PRPSAP2: variants seen among roughly 807,000 people sequenced by gnomAD.
PRPSAP2 encodes the protein phosphoribosyl pyrophosphate synthetase associated protein 2, also known as phosphoribosyl pyrophosphate synthase-associated protein 2.
A neutral mutation model predicts 40.6 loss-of-function variants in PRPSAP2; 24 were observed. The observed-to-expected ratio is 0.59, with a 90% confidence interval of 0.43 to 0.83. The LOEUF is 0.83. Ranked by LOEUF, PRPSAP2 falls within the 40% of genes least tolerant of loss-of-function variation. The pLI is 0.00. For missense variants in PRPSAP2, 292 were observed against 465.6 expected (o/e 0.63, Z 3.43); for synonymous variants, 149 against 164.7 (o/e 0.90, Z 0.73).
At chr17:18,917,254 A>G (rs2041372172) in intron 9 of PRPSAP2, among the ~76,000 whole-genome samples, 1 of 152,164 alleles carries the variant, frequency 6.6e-6, no homozygotes, top group South Asian at 2.1e-4. Context: ...CAGTTTAATC[A>G]CATACATACA....
chr17:18,879,445 CAACT>C (rs2151905619), intron 6 of PRPSAP2, among the ~76,000 whole-genome samples: 1 of 149,332 alleles, frequency 6.7e-6, no homozygotes, highest in African/African-American at 2.5e-5. Flanking sequence ...CCAACATGCC[CAACT>C]AATTATTATT....
chr17:18,867,917 C>T (rs1368485494), intron 4 of PRPSAP2, among the ~76,000 whole-genome samples: 2 of 151,268 alleles, frequency 1.3e-5, no homozygotes, highest in Non-Finnish European at 3.0e-5. Context: ...CAGGCAGATT[C>T]CTTGAGCTCA....
intron 5 of PRPSAP2, among the ~76,000 whole-genome samples, chr17:18,875,131 C>A (rs1465235862): frequency 6.6e-6 from 1 of 152,120 alleles, no homozygotes; most frequent in African/African-American, 2.4e-5. Flanking sequence ...CACTCAGCAC[C>A]CCTTTCATTT....
chr17:18,930,621 C>T lies in PRPSAP2; in HGVS notation c.1033C>T (p.Leu345Phe). The T allele has an allele frequency of 6.2e-7, 1 of 1,613,842 alleles. No individual in the cohort carries two copies. Reference sequence around the variant, plus strand: ...TAAAACTGTGGATATCAGCATGATCCTTTCAGAGGCGATCCGTCGGATCCA... The same window carrying T: ...TAAAACTGTGGATATCAGCATGATCTTTTCAGAGGCGATCCGTCGGATCCA... Reference protein sequence around the residue: ...KIKTVDISMILSEAIRRIHNG... With the variant: ...KIKTVDISMIFSEAIRRIHNG... Residue 345 changes from leucine to phenylalanine, a missense_variant, in exon 12 of 12, where the codon CTT (leucine) becomes TTT (phenylalanine). By Grantham distance (22) the Leu-to-Phe change is conservative. Coordinates refer to ENST00000268835, the MANE Select transcript of PRPSAP2 (RefSeq NM_002767.4).
At chr17:18,906,663 T>C (rs1881493967) in intron 8 of PRPSAP2, among the ~76,000 whole-genome samples, 1 of 152,122 alleles carries the variant, frequency 6.6e-6, no homozygotes, top group South Asian at 2.1e-4. Flanking sequence ...AAAAAGTATA[T>C]TGAAAATAGG....
intron 8 of PRPSAP2, among the ~76,000 whole-genome samples, chr17:18,892,306 G>A (rs1320897731): frequency 6.6e-6 from 1 of 151,742 alleles, no homozygotes; most frequent in Non-Finnish European, 1.5e-5. Context: ...TAGTTTTTGT[G>A]TTGGCATAAG....
chr17:18,892,555 T>C (rs1419903759), intron 8 of PRPSAP2, among the ~76,000 whole-genome samples: 1 of 151,844 alleles, frequency 6.6e-6, no homozygotes, highest in South Asian at 2.1e-4. Flanking sequence ...ATCGTGGTTT[T>C]CATTTGCATT....
chr17:18,859,167 A>G (rs926286861), intron 1 of PRPSAP2, among the ~76,000 whole-genome samples: 2 of 152,210 alleles, frequency 1.3e-5, no homozygotes, highest in Non-Finnish European at 2.9e-5. Context: ...ATCACTGAGC[A>G]TATAGCTTTT....
intron 8 of PRPSAP2, chr17:18,905,038 T>C (rs922237980): frequency 3.9e-5 from 6 of 152,224 alleles, no homozygotes; most frequent in African/African-American, 1.4e-4. Flanking sequence ...TATTTATTTT[T>C]TTGAGACAGA....
intron 5 of PRPSAP2, among the ~76,000 whole-genome samples, chr17:18,873,518 T>C (rs539791712): frequency 3.2e-4 from 49 of 152,296 alleles, no homozygotes; most frequent in African/African-American, 1.2e-3. Context: ...GAGTAGAGGC[T>C]GTTAATGATA....
At chr17:18,903,154 G>A (rs1040781715) in intron 8 of PRPSAP2, among the ~76,000 whole-genome samples, 1 of 151,940 alleles carries the variant, frequency 6.6e-6, no homozygotes, top group African/African-American at 2.4e-5. Context: ...GAGGCTGGGC[G>A]CATTGGCTCA....
At chr17:18,925,066 G>A (rs2041899692) in intron 10 of PRPSAP2, among the ~76,000 whole-genome samples, 2 of 152,068 alleles carry the variant, frequency 1.3e-5, no homozygotes. Context: ...GTTGCAGTGA[G>A]CCAAGATTGT....
intron 8 of PRPSAP2, among the ~76,000 whole-genome samples, chr17:18,900,140 C>G (rs149934591): frequency 6.6e-6 from 1 of 151,888 alleles, no homozygotes; most frequent in African/African-American, 2.4e-5. Context: ...CCGCCTCAGC[C>G]TCCCAGACTG....
chr17:18,857,010 GA>G (rs747344165), upstream of PRPSAP2, among the ~76,000 whole-genome samples: 1 of 152,024 alleles, frequency 6.6e-6, no homozygotes, highest in South Asian at 2.1e-4. Flanking sequence ...TATAATAAAA[GA>G]AAAAAAGGCG....
chr17:18,906,230 A>G (rs8077775), intron 8 of PRPSAP2, among the ~76,000 whole-genome samples: 80,822 of 150,732 alleles, frequency 0.54, 21,776 homozygotes, highest in Middle Eastern at 0.6. Flanking sequence ...TTGTTTGTTT[A>G]TTTGAGACAG....
At chr17:18,926,228 G>GCC (rs891069649) in intron 10 of PRPSAP2, among the ~76,000 whole-genome samples, 21 of 148,390 alleles carry the variant, frequency 1.4e-4, no homozygotes, top group Non-Finnish European at 2.4e-4. Flanking sequence ...CCGTTCTAGT[G>GCC]CCACTGCATT....
At chr17:18,891,675 G>A (rs966032166) in intron 8 of PRPSAP2, among the ~76,000 whole-genome samples, 2 of 152,148 alleles carry the variant, frequency 1.3e-5, no homozygotes, top group Admixed American at 1.3e-4. Flanking sequence ...ACCTGTCTCT[G>A]TTTTCAGAAC....
At chr17:18,889,162 A>G (rs553717025) in intron 7 of PRPSAP2, among the ~76,000 whole-genome samples, 1 of 152,374 alleles carries the variant, frequency 6.6e-6, no homozygotes, top group African/African-American at 2.4e-5. Flanking sequence ...CCATGTGATT[A>G]TGCCGGAGGC....
rs35697920 is a variant in PRPSAP2, at chr17:18,913,541, CTTTTTTTTTT to C, written c.733+2306_733+2315del. ...CTGTCTTGATGAATAGCGTCTGGTTCTTTTTTTTTTTTTTTTTTTTTTTTTGAGACAAGGT... is the reference window on the plus strand; with the variant it reads ...CTGTCTTGATGAATAGCGTCTGGTTCTTTTTTTTTTTTTTTGAGACAAGGT... On this transcript the variant is annotated intron_variant, in intron 9 of 11. Coordinates refer to ENST00000268835, the MANE Select transcript of PRPSAP2 (RefSeq NM_002767.4). Among the ~76,000 whole-genome samples, 6 of 73,952 alleles carry C rather than the reference CTTTTTTTTTT, an allele frequency of 8.1e-5. 1 individual carries two copies. Among genetic ancestry groups the C allele is most frequent in the South Asian group, 5.0e-4 (1 of 2,014 alleles). The allele number at this position is 73,952 out of a possible 152,430, so 48.5% of individuals were successfully genotyped here.
Sources: allele counts gnomAD v4.1 joint callset (sites outside exome capture counted in the v4.1 genomes callset), GRCh38; gene constraint gnomAD v4.1.1; transcripts MANE v1.5; gene names NCBI Gene and HGNC (gene_info 2026-07-23, HGNC 2026-07-21).